Variants in FSTL5 observed in about 807,000 individuals in gnomAD.
FSTL5 encodes the protein follistatin-related protein 5.
FSTL5 carries 62 observed loss-of-function variants against 89.1 expected under a neutral mutation model. The observed-to-expected ratio is 0.70, with a 90% CI of 0.57 to 0.86. The LOEUF (loss-of-function observed/expected upper bound fraction) is 0.86. Among genes scored for constraint, FSTL5 ranks in the 40% least tolerant of loss-of-function variants. FSTL5 has a pLI of 0.00. For synonymous variants in FSTL5, 383 were observed against 346.2 expected, an observed-to-expected ratio of 1.11 and a Z score of -1.18; for missense variants, 1,057 against 1,001.6, an observed-to-expected ratio of 1.06 and a Z score of -0.75.
At chr4:161,783,205 A>G (rs1403007180) in intron 4 of FSTL5, among the ~76,000 whole-genome samples, 1 of 152,188 alleles carries the variant, frequency 6.6e-6, no homozygotes, top group African/African-American at 2.4e-5. Context: ...ATAACTCATC[A>G]AATGCATTAT....
chr4:161,644,538 AAAG>A (rs886354228), intron 7 of FSTL5, among the ~76,000 whole-genome samples: 4 of 149,830 alleles, frequency 2.7e-5, no homozygotes, highest in African/African-American at 7.3e-5. Context: ...AAAAAAAAAA[AAAG>A]AACAGTAGTA....
At chr4:161,470,337 CT>C (rs1189485886) in intron 13 of FSTL5, among the ~76,000 whole-genome samples, 1 of 152,096 alleles carries the variant, frequency 6.6e-6, no homozygotes, top group Non-Finnish European at 1.5e-5. Context: ...CCCAGCATCA[CT>C]TGTAGAAAGA....
At chr4:161,393,165 A>G (rs1020714255) in intron 15 of FSTL5, among the ~76,000 whole-genome samples, 1 of 152,116 alleles carries the variant, frequency 6.6e-6, no homozygotes, top group Admixed American at 6.6e-5. Flanking sequence ...ATCTGTCTCA[A>G]AAAAAGAAAA....
chr4:161,710,614 T>C (rs1351669082), intron 6 of FSTL5, among the ~76,000 whole-genome samples: 2 of 152,178 alleles, frequency 1.3e-5, no homozygotes, highest in African/African-American at 2.4e-5. Context: ...ACAGTATTCT[T>C]AGTGTTAGAA....
intron 9 of FSTL5, 151 bp from the exon 10 acceptor site, chr4:161,538,451 C>G: frequency 2.5e-6 from 2 of 797,840 alleles, no homozygotes; most frequent in South Asian, 1.7e-5. Context: ...CCAAATTATT[C>G]CAGAAGCATT....
intron 15 of FSTL5, among the ~76,000 whole-genome samples, chr4:161,438,580 G>A (rs1347513971): frequency 6.6e-6 from 1 of 151,832 alleles, no homozygotes; most frequent in Non-Finnish European, 1.5e-5. Flanking sequence ...CATGATAAAA[G>A]TATTTATAAA....
chr4:161,436,891 G>A (rs1441290045), intron 15 of FSTL5, among the ~76,000 whole-genome samples: 1 of 152,150 alleles, frequency 6.6e-6, no homozygotes, highest in East Asian at 1.9e-4. Context: ...TAACTTCTAC[G>A]AGTATATTCA....
intron 7 of FSTL5, among the ~76,000 whole-genome samples, chr4:161,588,109 G>T (rs1460451948): frequency 6.6e-6 from 1 of 152,222 alleles, no homozygotes; most frequent in South Asian, 2.1e-4. Context: ...GGGAGGCAGG[G>T]GTTGCAGTGA....
chr4:161,759,615 A>G (rs1459092897), intron 5 of FSTL5, 84 bp from the exon 6 acceptor site: 2 of 867,832 alleles, frequency 2.3e-6, no homozygotes, highest in African/African-American at 3.6e-5. Context: ...ATAATCACAT[A>G]ATAGTTCATT....
At chr4:161,861,605 G>T (rs1401986496) in intron 4 of FSTL5, among the ~76,000 whole-genome samples, 1 of 152,044 alleles carries the variant, frequency 6.6e-6, no homozygotes, top group Non-Finnish European at 1.5e-5. Flanking sequence ...TCCAATTTTG[G>T]GTAACATGAA....
intron 3 of FSTL5, among the ~76,000 whole-genome samples, chr4:161,930,337 C>A (rs1039683521): frequency 3.3e-5 from 5 of 151,746 alleles, no homozygotes; most frequent in African/African-American, 1.2e-4. Context: ...TTCCCCAAAC[C>A]CCTCTATGGT....
At chr4:161,780,892 C>G (rs7666089) in intron 4 of FSTL5, among the ~76,000 whole-genome samples, 111,542 of 152,002 alleles carry the variant, frequency 0.73, 40,979 homozygotes, top group Non-Finnish European at 0.76. Flanking sequence ...TCCTTTCCTC[C>G]TATCCTCCAG....
intron 6 of FSTL5, among the ~76,000 whole-genome samples, chr4:161,702,739 T>C (rs952959434): frequency 6.6e-6 from 1 of 152,122 alleles, no homozygotes; most frequent in Non-Finnish European, 1.5e-5. Flanking sequence ...CCTTAAAAGA[T>C]TATTGACTTC....
intron 15 of FSTL5, among the ~76,000 whole-genome samples, chr4:161,408,724 G>A (rs1267627611): frequency 6.6e-6 from 1 of 152,138 alleles, no homozygotes; most frequent in Non-Finnish European, 1.5e-5. Context: ...TCTCTTCTAA[G>A]AAGTACCCAA....
chr4:161,455,672 T>C (rs1320992147), intron 14 of FSTL5, among the ~76,000 whole-genome samples: 1 of 152,190 alleles, frequency 6.6e-6, no homozygotes, highest in Admixed American at 6.5e-5. Context: ...TAATGAATTG[T>C]TTTTTAAACT....
At chr4:161,726,232 T>TTC (rs1739406936) in intron 6 of FSTL5, among the ~76,000 whole-genome samples, 1 of 144,040 alleles carries the variant, frequency 6.9e-6, no homozygotes, top group Non-Finnish European at 1.5e-5. Context: ...TTTTTCTTTT[T>TTC]TTTTTTTTTT....
intron 10 of FSTL5, among the ~76,000 whole-genome samples, chr4:161,520,496 C>T (rs540858449): frequency 2.7e-4 from 41 of 151,990 alleles, no homozygotes; most frequent in African/African-American, 9.2e-4. Context: ...TCAAAGACAT[C>T]GTATATGCTG....
intron 3 of FSTL5, among the ~76,000 whole-genome samples, chr4:161,960,015 G>C (rs1735131555): frequency 6.6e-6 from 1 of 151,828 alleles, no homozygotes; most frequent in South Asian, 2.1e-4. Context: ...AGCAAAATAA[G>C]GTAGATACAT....
chr4:161,631,688 A>G (rs1735511829), intron 7 of FSTL5, among the ~76,000 whole-genome samples: 1 of 152,218 alleles, frequency 6.6e-6, no homozygotes, highest in African/African-American at 2.4e-5. Flanking sequence ...TATTAGATTT[A>G]TTTAGTTATA....
Sources: allele counts gnomAD v4.1 joint callset (sites outside exome capture counted in the v4.1 genomes callset), GRCh38; gene constraint gnomAD v4.1.1; transcripts MANE v1.5; gene names NCBI Gene and HGNC (gene_info 2026-07-23, HGNC 2026-07-21).